The following DSG4 variants were observed in gnomAD, a reference collection of about 807,000 sequenced individuals.
DSG4 encodes the protein desmoglein 4.
A neutral mutation model predicts 93.1 loss-of-function variants in DSG4; 87 were observed. The ratio of observed to expected loss-of-function variants is 0.93; its 90% CI spans 0.79 to 1.12. The LOEUF is 1.12. DSG4 is among the 50% of genes most tolerant of loss of function. DSG4 has a pLI of 0.00. For missense variants in DSG4, 1,373 were observed against 1,285.7 expected (o/e 1.07, Z -1.04); for synonymous variants, 432 against 452.9 (o/e 0.95, Z 0.59).
rs1235732474 is a variant in DSG4 at position 31,406,012 on chromosome 18, T to A, written c.1637-65T>A. ...AGTCAATATTTGGTATTAGGGAGAG[T>A]TAACCACCCCCCTAGCCCACCAAGG... On this transcript the variant is annotated intron_variant, in intron 11 of 15. Transcript: ENST00000308128. The A allele has an allele frequency of 1.9e-5, 30 of 1,594,856 alleles. No homozygotes were observed. In the South Asian group the frequency reaches 2.6e-4, roughly 14 times the overall value.
chr18:31,410,418 T>C (rs904801450), intron 14 of DSG4, among the ~76,000 whole-genome samples: 3 of 151,642 alleles, frequency 2.0e-5, no homozygotes, highest in African/African-American at 4.8e-5. Flanking sequence ...TCTATATATA[T>C]ACACACACAC....
chr18:31,381,049 G>A (rs781053663), intron 1 of DSG4, among the ~76,000 whole-genome samples: 5 of 152,148 alleles, frequency 3.3e-5, no homozygotes, highest in Non-Finnish European at 7.4e-5. Flanking sequence ...CATTATTACA[G>A]GTCGAAACTT....
chr18:31,384,168 A>C (rs1287951370), intron 1 of DSG4, among the ~76,000 whole-genome samples: 1 of 152,156 alleles, frequency 6.6e-6, no homozygotes, highest in Non-Finnish European at 1.5e-5. Context: ...ATATTTATTT[A>C]AGAACTAATT....
intron 5 of DSG4, among the ~76,000 whole-genome samples, chr18:31,389,223 G>A (rs887997189): frequency 1.1e-4 from 16 of 152,098 alleles, no homozygotes; most frequent in African/African-American, 2.7e-4. Context: ...TCTTACTTGC[G>A]GAAGGTCCCT....
At chr18:31,377,755 TG>T (rs1440924377) in intron 1 of DSG4, among the ~76,000 whole-genome samples, 1 of 152,152 alleles carries the variant, frequency 6.6e-6, no homozygotes, top group African/African-American at 2.4e-5. Context: ...TTGCCAATTC[TG>T]GGAGGGTAAG....
rs755004431 is a variant in DSG4, at chr18:31,413,578, C to T, written c.3106C>T (p.His1036Tyr). 1.7e-5 allele frequency: 27 copies of T among 1,613,638 alleles called. No individual in the cohort carries two copies. Among genetic ancestry groups the T allele is most frequent in the African/African-American group, 4.0e-5 (3 of 74,898 alleles). ...RHRVTRYSNI[H>Y]YTQQ ...CAGAGTAACACGATACAGTAACATA[C>T]ATTACACCCAACAGTAAGTGCTTTA... The change falls in exon 16 of 16, where the codon CAT becomes TAT. Residue 1036 changes from histidine (H) to tyrosine (Y), a missense_variant. His to Tyr is a moderately conservative substitution (Grantham distance 83). Transcript: ENST00000308128.
intron 11 of DSG4, among the ~76,000 whole-genome samples, chr18:31,405,193 C>A (rs2072411148): frequency 6.6e-6 from 1 of 152,170 alleles, no homozygotes; most frequent in Non-Finnish European, 1.5e-5. Context: ...TAAATTTAAT[C>A]ATCTCAACAC....
chr18:31,399,640 T>C, intron 9 of DSG4, 97 bp downstream of exon 9: 1 of 1,496,624 alleles, frequency 6.7e-7, no homozygotes, highest in Non-Finnish European at 9.2e-7. Flanking sequence ...TTTGGAGGGC[T>C]TTTTTGCTTT....
In DSG4 at chr18:31,409,476, G is replaced by A. The variant is rs1355381380; in HGVS notation, c.1958G>A (p.Cys653Tyr). 6.2e-7 allele frequency: 1 copy of A among 1,614,196 alleles called. No individual in the cohort carries two copies. The highest frequency in any genetic ancestry group is 8.5e-7 in the Non-Finnish European group (1 of 1,180,038). ...LILAPLLLLLCCCKQRQPEGL... is the reference protein window; with the variant it reads ...LILAPLLLLLYCCKQRQPEGL... ...GTGGCTCCACTCTTGCTGCTCCTGT[G>A]TTGCTGCAAACAGAGACAGCCAGAA... Residue 653 changes from cysteine to tyrosine, a missense_variant, in exon 13 of 16, where the codon TGT becomes TAT. Transcript: ENST00000308128.
At chr18:31,393,092 A>T (rs527643427) in intron 8 of DSG4, among the ~76,000 whole-genome samples, 1 of 152,230 alleles carries the variant, frequency 6.6e-6, no homozygotes, top group Non-Finnish European at 1.5e-5. Context: ...AACCAATAAG[A>T]TTCAGATTAA....
chr18:31,392,834 G>A (rs1183596946), intron 8 of DSG4, among the ~76,000 whole-genome samples: 2 of 152,152 alleles, frequency 1.3e-5, no homozygotes, highest in African/African-American at 4.8e-5. Context: ...AACACAGAGT[G>A]AGAAAACATG....
In DSG4 at chr18:31,391,520, T is replaced by C. The variant is rs184480526; in HGVS notation, c.819+308T>C. ...TCTGGGAATAACATAGCAACATTAA[T>C]GTTTTTGTATATGCCTCATGATTTG... On this transcript the variant is annotated intron_variant, in intron 7 of 15. Transcript: ENST00000308128. Among the ~76,000 whole-genome samples, 186 of 152,300 alleles carry C rather than the reference T, an allele frequency of 1.2e-3. 1 individual carries two copies. The highest frequency in any genetic ancestry group is 2.0e-3 in the Non-Finnish European group (138 of 68,026).
chr18:31,394,856 C>T (rs1274568710), intron 8 of DSG4, among the ~76,000 whole-genome samples: 1 of 152,094 alleles, frequency 6.6e-6, no homozygotes, highest in Non-Finnish European at 1.5e-5. Context: ...AAGAGCTAGA[C>T]ATAACATGCA....
Position 31,390,754 on chromosome 18 carries a change from G to C in DSG4, c.616G>C (p.Ala206Pro). 1 of 1,613,776 alleles carries C rather than the reference G, an allele frequency of 6.2e-7. No homozygotes were observed. The highest frequency in any genetic ancestry group is 8.5e-7 in the Non-Finnish European group (1 of 1,179,800). ...GATCGTCTCTCAGGAGCCATCAGGT[G>C]CACCCATGTTCATTCTGAATAGGTA... ...YKIVSQEPSGAPMFILNRYTG... is the reference protein window; with the variant it reads ...YKIVSQEPSGPPMFILNRYTG... Residue 206 changes from alanine to proline, a missense_variant, in exon 6 of 16, where the codon GCA (alanine) becomes CCA (proline). Ala to Pro is a conservative substitution (Grantham distance 27). Transcript: ENST00000308128.
intron 12 of DSG4, among the ~76,000 whole-genome samples, chr18:31,409,004 G>C (rs1417592638): frequency 6.6e-6 from 1 of 152,100 alleles, no homozygotes; most frequent in Admixed American, 6.6e-5. Flanking sequence ...AGTATTATTT[G>C]ACTTCTATTT....
At position 31,413,566 on chromosome 18, in the gene DSG4, T is replaced by C. The variant is rs1263982175; in HGVS notation, c.3094T>C (p.Tyr1032His). Residue 1032 changes from tyrosine to histidine, a missense_variant, in exon 16 of 16, where the codon TAC becomes CAC. Transcript: ENST00000308128. The part of the protein sequence containing the change: ...PMTSRHRVTR[Y>H]SNIHYTQQ ...GACATCTCGACACAGAGTAACACGA[T>C]ACAGTAACATACATTACACCCAACA... The C allele has an allele frequency of 1.2e-6, 2 of 1,613,882 alleles. No homozygotes were observed. Among genetic ancestry groups the C allele is most frequent in the Admixed American group, 1.7e-5 (1 of 60,002 alleles).
At chr18:31,411,160 CG>C in intron 14 of DSG4, 70 bp from the exon 15 acceptor site, 4 of 1,614,098 alleles carry the variant, frequency 2.5e-6, no homozygotes, top group Non-Finnish European at 3.4e-6. Context: ...CAGACGGCGG[CG>C]GCAGCGTTTT....
chr18:31,390,859 TC>T (rs1490165278), intron 6 of DSG4, 37 bp downstream of exon 6: 2 of 1,601,480 alleles, frequency 1.2e-6, no homozygotes, highest in African/African-American at 2.7e-5. Context: ...ACTAAAAAAT[TC>T]AATTTTGAAA....
intron 4 of DSG4, 78 bp downstream of exon 4, chr18:31,388,600 G>C: frequency 1.9e-6 from 3 of 1,539,888 alleles, no homozygotes; most frequent in Non-Finnish European, 2.7e-6. Flanking sequence ...TTAAGATAAT[G>C]GATTACTTTT....
Sources: gnomAD v4.1 joint callset for allele counts (sites outside exome capture counted in the v4.1 genomes callset) on GRCh38, gnomAD v4.1.1 for gene constraint, MANE v1.5 for transcripts, NCBI Gene and HGNC (gene_info 2026-07-23, HGNC 2026-07-21) for gene names.